The following NAA38 variants were observed in gnomAD, a reference collection of about 807,000 sequenced individuals.
NAA38 encodes the protein N-alpha-acetyltransferase 38, NatC auxiliary subunit, also known as LSM domain containing 1.
In NAA38, 15 loss-of-function variants were observed where a neutral mutation model predicts 12.6. The observed-to-expected ratio is 1.19, with a 90% confidence interval of 0.79 to 1.83. The LOEUF (loss-of-function observed/expected upper bound fraction) is 1.83, where lower values mean the gene tolerates loss of function less well. Ranked by LOEUF, NAA38 falls within the 40% of genes most tolerant of loss-of-function variation. The probability of loss-of-function intolerance (pLI) is 0.00; values close to 1 mark genes in which losing one functional copy is unlikely to be tolerated. For missense variants in NAA38, 183 were observed against 171.7 expected (o/e 1.07, Z -0.37); for synonymous variants, 88 against 69.9 (o/e 1.26, Z -1.29).
chr17:7,864,608 T>C (rs1966930565), intron 3 of NAA38: 1 of 152,150 alleles, frequency 6.6e-6, no homozygotes, highest in Non-Finnish European at 1.5e-5. Flanking sequence ...ATATTTTAAA[T>C]AATTGTGTGC....
At chr17:7,882,573 A>G (rs1567820345) in intron 2 of NAA38, among the ~76,000 whole-genome samples, 1 of 152,186 alleles carries the variant, frequency 6.6e-6, no homozygotes, top group Non-Finnish European at 1.5e-5. Flanking sequence ...AAAGAGGGAC[A>G]GAGAAAGAAG....
rs986686779 is a variant in NAA38, at chr17:7,869,687, CG to C, written c.-65-3130del. On this transcript the variant is annotated intron_variant, in intron 2 of 4. Coordinates refer to the NAA38 transcript ENST00000576861. ...CTAAGGCAGGAGAATCGCTTCAACC[CG>C]GGAGGCAGAGGTTGCAGTGAGCCGA... Among the ~76,000 whole-genome samples, 152 of 151,338 alleles carry C rather than the reference CG, an allele frequency of 1.0e-3. 1 individual carries two copies. The highest frequency in any genetic ancestry group is 6.0e-3 in the Admixed American group (92 of 15,214).
intron 2 of NAA38, among the ~76,000 whole-genome samples, chr17:7,874,469 A>C (rs1421119866): frequency 6.6e-6 from 1 of 152,206 alleles, no homozygotes; most frequent in African/African-American, 2.4e-5. Flanking sequence ...AATGAAGGAA[A>C]TGTCAGGAGA....
At chr17:7,884,071 A>AACAC (rs149257134) in intron 1 of NAA38, among the ~76,000 whole-genome samples, 57,773 of 148,438 alleles carry the variant, frequency 0.39, 11,623 homozygotes, top group Non-Finnish European at 0.46. Context: ...ATGCCCCCCC[A>AACAC]ACACACACAC....
chr17:7,869,939 G>C (rs1967057459), intron 2 of NAA38, among the ~76,000 whole-genome samples: 1 of 152,144 alleles, frequency 6.6e-6, no homozygotes, highest in Non-Finnish European at 1.5e-5. Flanking sequence ...AATTCTGCTG[G>C]AACAACTGGG....
chr17:7,857,968 A>T, upstream of NAA38: 17 of 1,475,490 alleles, frequency 1.2e-5, no homozygotes, highest in Non-Finnish European at 1.4e-5. Flanking sequence ...CCCGCCCCTG[A>T]TATTTATCTC....
At chr17:7,884,071 A>AACACACACACACACACAC (rs149257134) in intron 1 of NAA38, among the ~76,000 whole-genome samples, 1 of 148,550 alleles carries the variant, frequency 6.7e-6, no homozygotes, top group African/African-American at 2.5e-5. Context: ...ATGCCCCCCC[A>AACACACACACACACACAC]ACACACACAC....
At chr17:7,883,693 T>A (rs1019362893) in intron 1 of NAA38, among the ~76,000 whole-genome samples, 7 of 152,168 alleles carry the variant, frequency 4.6e-5, no homozygotes, top group African/African-American at 1.4e-4. Context: ...TTAAAAGATA[T>A]GTACACAATT....
upstream of NAA38, chr17:7,859,254 G>C: frequency 1.4e-6 from 1 of 708,008 alleles, no homozygotes; most frequent in Non-Finnish European, 2.3e-6. Context: ...TGGAGTTTCA[G>C]CTTTTTTTTC....
upstream of NAA38, chr17:7,885,310 G>GCCGCACCCCTCCCCCGCCGCACCCCTCCC (rs1555603822): frequency 1.9e-5 from 2 of 102,782 alleles, no homozygotes; most frequent in Admixed American, 2.2e-4. Flanking sequence ...CCCCTCCCCC[G>GCCGCACCCCTCCCCCGCCGCACCCCTCCC]CCGCCGCCGC....
chr17:7,857,220 C>G (rs1239190382), intron 1 of NAA38, 22 bp from the exon 2 acceptor site: 1 of 1,612,470 alleles, frequency 6.2e-7, no homozygotes, highest in Admixed American at 1.7e-5. Context: ...GTAACAAGCG[C>G]TCAGACCGCG....
At chr17:7,870,248 G>GT (rs1567817113) in intron 2 of NAA38, among the ~76,000 whole-genome samples, 1 of 151,846 alleles carries the variant, frequency 6.6e-6, no homozygotes, top group Admixed American at 6.6e-5. Context: ...GGTGACAGAG[G>GT]AAGACTCTGT....
At chr17:7,871,111 C>T (rs1967078680) in intron 2 of NAA38, among the ~76,000 whole-genome samples, 1 of 152,176 alleles carries the variant, frequency 6.6e-6, no homozygotes, top group East Asian at 1.9e-4. Context: ...CTCTTAAAGC[C>T]AGCTTCTTTC....
upstream of NAA38, chr17:7,861,190 G>GA (rs2078880379): frequency 6.6e-6 from 1 of 152,172 alleles, no homozygotes; most frequent in Non-Finnish European, 1.5e-5. Context: ...AACAAATCAG[G>GA]AAGAGTTTAG....
rs543858557 is a variant in NAA38 at position 7,856,689 on chromosome 17, G to C, written c.*42C>G. The C allele has an allele frequency of 2.6e-6, 4 of 1,522,716 alleles. No homozygotes were observed. Among genetic ancestry groups the C allele is most frequent in the Non-Finnish European group, 3.6e-6 (4 of 1,098,022 alleles). 94.3% of individuals were successfully genotyped at this position (1,522,716 alleles called of 1,614,324 possible). On this transcript the variant is annotated 3_prime_UTR_variant, in exon 3 of 3. Coordinates refer to ENST00000575771, the MANE Select transcript of NAA38 (RefSeq NM_001320925.4). ...CTACACACAGACACAGGCCCATTCG[G>C]TCATAAGTTTAATGAAGTCTGAAAG... is the stretch of plus-strand genomic sequence containing the variant.
chr17:7,875,058 T>C (rs116955047), intron 2 of NAA38, among the ~76,000 whole-genome samples: 3,314 of 151,542 alleles, frequency 0.022, 58 homozygotes, highest in Middle Eastern at 0.086. Flanking sequence ...TATCCGGTTG[T>C]GGTGGTGTGT....
At chr17:7,857,739 A>T, upstream of NAA38, 1 of 1,282,126 alleles carries the variant, frequency 7.8e-7, no homozygotes, top group Non-Finnish European at 9.9e-7. Flanking sequence ...TTTAGCGAGA[A>T]TACATTCTTT....
At chr17:7,861,874 C>G (rs2078885548), upstream of NAA38, 1 of 152,196 alleles carries the variant, frequency 6.6e-6, no homozygotes, top group South Asian at 2.1e-4. Context: ...GTCCTAAATT[C>G]AAAGATCTTG....
intron 2 of NAA38, among the ~76,000 whole-genome samples, chr17:7,881,562 T>C (rs376751315): frequency 6.6e-6 from 1 of 151,076 alleles, no homozygotes; most frequent in East Asian, 2.0e-4. Flanking sequence ...TTGATGGAAG[T>C]TGGCAGAGAA....
Sources: allele counts gnomAD v4.1 joint callset (sites outside exome capture counted in the v4.1 genomes callset), GRCh38; gene constraint gnomAD v4.1.1; transcripts MANE v1.5; gene names NCBI Gene and HGNC (gene_info 2026-07-23, HGNC 2026-07-21).